RABGAP1L: variants seen among roughly 807,000 people sequenced by gnomAD.
RABGAP1L encodes rab GTPase-activating protein 1-like.
In RABGAP1L, 63 loss-of-function variants were observed where a neutral mutation model predicts 137.7. That is an observed-to-expected ratio of 0.46 (90% CI 0.37 to 0.56). The LOEUF (loss-of-function observed/expected upper bound fraction) is 0.56, where lower values mean the gene tolerates loss of function less well. Among genes scored for constraint, RABGAP1L ranks in the 20% least tolerant of loss-of-function variants. The pLI is 0.00. For missense variants in RABGAP1L, 1,095 were observed against 1,244.0 expected, an observed-to-expected ratio of 0.88 and a Z score of 1.80; for synonymous variants, 431 against 433.7, an observed-to-expected ratio of 0.99 and a Z score of 0.08.
chr1:174,606,388 A>G (rs1204854389), intron 13 of RABGAP1L, among the ~76,000 whole-genome samples: 3 of 152,144 alleles, frequency 2.0e-5, no homozygotes, highest in Non-Finnish European at 4.4e-5. Context: ...TCACATCATT[A>G]TTTGCAATGA....
At chr1:174,817,736 A>G (rs1427426083) in intron 19 of RABGAP1L, among the ~76,000 whole-genome samples, 1 of 152,192 alleles carries the variant, frequency 6.6e-6, no homozygotes, top group East Asian at 1.9e-4. Flanking sequence ...AAGGGTTAAG[A>G]TTCGGTATTG....
chr1:174,636,409 T>A (rs568025162), intron 13 of RABGAP1L, among the ~76,000 whole-genome samples: 1 of 151,814 alleles, frequency 6.6e-6, no homozygotes, highest in African/African-American at 2.4e-5. Context: ...GCACCTGTAA[T>A]CCCAGCTACT....
At chr1:174,877,309 C>G (rs1014082092) in intron 19 of RABGAP1L, 5 of 1,182,060 alleles carry the variant, frequency 4.2e-6, no homozygotes, top group Non-Finnish European at 4.8e-6. Context: ...GAATTGCTAG[C>G]CAAGCCTGTG....
chr1:174,741,235 T>C (rs186856807), intron 17 of RABGAP1L, among the ~76,000 whole-genome samples: 31 of 152,338 alleles, frequency 2.0e-4, no homozygotes, highest in African/African-American at 7.0e-4. Context: ...AAGTCTTTAA[T>C]CTACTTTGAG....
At chr1:174,678,918 G>C (rs912660502) in intron 14 of RABGAP1L, among the ~76,000 whole-genome samples, 1 of 152,228 alleles carries the variant, frequency 6.6e-6, no homozygotes. Flanking sequence ...AGTCAGCAGT[G>C]GGTGTGCGAC....
intron 11 of RABGAP1L, among the ~76,000 whole-genome samples, chr1:174,333,040 T>C (rs1250416782): frequency 1.3e-5 from 2 of 152,312 alleles, no homozygotes; most frequent in East Asian, 3.9e-4. Flanking sequence ...CTGGAGGGCA[T>C]TATGCAAAGT....
At chr1:174,722,185 C>A (rs1440011914) in intron 17 of RABGAP1L, among the ~76,000 whole-genome samples, 2 of 152,148 alleles carry the variant, frequency 1.3e-5, no homozygotes, top group African/African-American at 2.4e-5. Context: ...CCGCCCCACC[C>A]ACAAAGTGCT....
rs1280899285 is a variant in RABGAP1L at position 174,637,311 on chromosome 1, T to TATATACCATGA, written c.1711-59_1711-58insCCATGAATATA. 5 of 1,113,954 alleles carry TATATACCATGA rather than the reference T, an allele frequency of 4.5e-6. No homozygotes were observed. The African/African-American group carries it at 6.4e-5, about 14-fold the overall frequency. The allele number at this position is 1,113,954 out of a possible 1,614,324, so 69.0% of individuals were successfully genotyped here. ...TGCTGTTTGAGTTTTTTACCATGTG[T>TATATACCATGA]ATATATTATATTTCATAACTGGGAA... On this transcript the variant is annotated intron_variant, in intron 13 of 25. Coordinates refer to ENST00000681986, the MANE Select transcript of RABGAP1L (RefSeq NM_001366446.1).
intron 13 of RABGAP1L, among the ~76,000 whole-genome samples, chr1:174,557,233 G>A (rs749963922): frequency 3.3e-5 from 5 of 152,190 alleles, no homozygotes; most frequent in Non-Finnish European, 7.3e-5. Flanking sequence ...CAGGACTATG[G>A]CAGGTCTAAT....
chr1:174,474,414 T>C (rs911296447), intron 13 of RABGAP1L, among the ~76,000 whole-genome samples: 1 of 152,208 alleles, frequency 6.6e-6, no homozygotes, highest in Non-Finnish European at 1.5e-5. Context: ...TTTACTTCCT[T>C]CTTACTACCT....
intron 19 of RABGAP1L, chr1:174,849,774 G>A (rs752205060): frequency 2.0e-4 from 105 of 520,330 alleles, no homozygotes; most frequent in Non-Finnish European, 3.2e-4. Flanking sequence ...AGCAGTTCAT[G>A]TTTCTGGATA....
chr1:174,732,810 T>C (rs548266022), intron 17 of RABGAP1L, among the ~76,000 whole-genome samples: 12 of 152,332 alleles, frequency 7.9e-5, no homozygotes, highest in African/African-American at 2.6e-4. Flanking sequence ...TTACTGTGGT[T>C]GGGATTTAGC....
At chr1:174,452,661 A>G (rs897096127) in intron 13 of RABGAP1L, among the ~76,000 whole-genome samples, 2 of 152,072 alleles carry the variant, frequency 1.3e-5, no homozygotes, top group Non-Finnish European at 2.9e-5. Context: ...TCCTGGGTTC[A>G]TGTCATTCTC....
At chr1:174,921,097 A>G (rs1274302768) in intron 19 of RABGAP1L, among the ~76,000 whole-genome samples, 1 of 151,820 alleles carries the variant, frequency 6.6e-6, no homozygotes, top group African/African-American at 2.4e-5. Flanking sequence ...TAATTTTTGT[A>G]TTTTTTTAGT....
At chr1:174,628,640 GA>G (rs1673095648) in intron 13 of RABGAP1L, among the ~76,000 whole-genome samples, 1 of 152,154 alleles carries the variant, frequency 6.6e-6, no homozygotes, top group Non-Finnish European at 1.5e-5. Flanking sequence ...ATTAAGTGAG[GA>G]AAGTGGAAAT....
chr1:174,202,793 T>C (rs1299650177), intron 1 of RABGAP1L, among the ~76,000 whole-genome samples: 1 of 152,190 alleles, frequency 6.6e-6, no homozygotes, highest in African/African-American at 2.4e-5. Flanking sequence ...AGGTCTAACA[T>C]TTAAGTCTTT....
At chr1:174,822,593 G>A (rs1172517420) in intron 19 of RABGAP1L, among the ~76,000 whole-genome samples, 1 of 152,198 alleles carries the variant, frequency 6.6e-6, no homozygotes, top group African/African-American at 2.4e-5. Flanking sequence ...TTTTTCCATG[G>A]TGGAGGGGGA....
At chr1:174,958,512 C>G (rs111580041) in intron 20 of RABGAP1L, among the ~76,000 whole-genome samples, 3 of 152,212 alleles carry the variant, frequency 2.0e-5, no homozygotes, top group African/African-American at 7.2e-5. Flanking sequence ...CAGCACTGAG[C>G]AGCAGTGCCA....
At chr1:174,959,345 T>C (rs911817252) in intron 20 of RABGAP1L, among the ~76,000 whole-genome samples, 2 of 152,232 alleles carry the variant, frequency 1.3e-5, no homozygotes, top group Non-Finnish European at 2.9e-5. Flanking sequence ...ACTACAATTA[T>C]TATGAATAAA....
Sources: gnomAD v4.1 joint callset for allele counts (sites outside exome capture counted in the v4.1 genomes callset) on GRCh38, gnomAD v4.1.1 for gene constraint, MANE v1.5 for transcripts, NCBI Gene and HGNC (gene_info 2026-07-23, HGNC 2026-07-21) for gene names.